The following PTPRK variants were observed in gnomAD, a reference collection of about 807,000 sequenced individuals.
PTPRK encodes the protein receptor-type tyrosine-protein phosphatase kappa.
A neutral mutation model predicts 178.0 loss-of-function variants in PTPRK; 75 were observed. The observed-to-expected ratio is 0.42, with a 90% CI of 0.35 to 0.51. The LOEUF is 0.51. Ranked by LOEUF, PTPRK falls within the 20% of genes least tolerant of loss-of-function variation. The pLI is 0.02. For synonymous variants in PTPRK, 637 were observed against 620.6 expected (o/e 1.03, Z -0.39); for missense variants, 1,441 against 1,797.8 (o/e 0.80, Z 3.59).
chr6:128,488,487 A>G (rs1011512349), intron 1 of PTPRK, among the ~76,000 whole-genome samples: 1 of 152,208 alleles, frequency 6.6e-6, no homozygotes, highest in African/African-American at 2.4e-5. Flanking sequence ...GGATGCTGTT[A>G]TCAGAATGGA....
intron 22 of PTPRK, 25 bp downstream of exon 22, chr6:127,985,696 C>T: frequency 6.3e-7 from 1 of 1,592,868 alleles, no homozygotes; most frequent in Non-Finnish European, 8.6e-7. Context: ...TGCATACAGT[C>T]AATACCATTT....
intron 3 of PTPRK, among the ~76,000 whole-genome samples, chr6:128,245,399 T>A (rs929915466): frequency 6.6e-6 from 1 of 152,350 alleles, no homozygotes; most frequent in East Asian, 1.9e-4. Context: ...AGACATTATA[T>A]TGACAAGATG....
chr6:128,248,240 T>C (rs1469973605), intron 3 of PTPRK, among the ~76,000 whole-genome samples: 1 of 152,192 alleles, frequency 6.6e-6, no homozygotes, highest in African/African-American at 2.4e-5. Context: ...TATCACAAAG[T>C]AGACATTCAA....
intron 25 of PTPRK, among the ~76,000 whole-genome samples, chr6:127,978,476 G>A (rs1774873289): frequency 6.6e-6 from 1 of 152,094 alleles, no homozygotes; most frequent in South Asian, 2.1e-4. Context: ...GGCCATAATT[G>A]CAGGGATCCT....
chr6:128,104,667 C>G (rs193046513), intron 7 of PTPRK, among the ~76,000 whole-genome samples: 7 of 152,286 alleles, frequency 4.6e-5, no homozygotes, highest in Admixed American at 3.9e-4. Flanking sequence ...GTGACCTACA[C>G]ATTTTTACTG....
chr6:128,237,170 G>C (rs750664877), intron 5 of PTPRK, among the ~76,000 whole-genome samples: 2 of 152,044 alleles, frequency 1.3e-5, no homozygotes, highest in Non-Finnish European at 2.9e-5. Flanking sequence ...TAGAAAATTG[G>C]CTGTTTTTCT....
chr6:128,468,300 T>C (rs964423510), intron 1 of PTPRK, among the ~76,000 whole-genome samples: 9 of 152,192 alleles, frequency 5.9e-5, no homozygotes, highest in Non-Finnish European at 7.3e-5. Flanking sequence ...TTACTAAACA[T>C]GTATGCATAT....
At chr6:128,385,741 T>C (rs953181979) in intron 2 of PTPRK, among the ~76,000 whole-genome samples, 2 of 152,328 alleles carry the variant, frequency 1.3e-5, no homozygotes, top group African/African-American at 2.4e-5. Context: ...GCTCCACAGA[T>C]TAAGTCTTCA....
intron 11 of PTPRK, among the ~76,000 whole-genome samples, chr6:128,069,461 C>T (rs374422015): frequency 6.6e-6 from 1 of 152,084 alleles, no homozygotes; most frequent in Non-Finnish European, 1.5e-5. Flanking sequence ...AAAATACATA[C>T]GCATAGCCCT....
chr6:128,189,873 A>C (rs543928900), intron 6 of PTPRK, among the ~76,000 whole-genome samples: 1 of 152,304 alleles, frequency 6.6e-6, no homozygotes, highest in Admixed American at 6.5e-5. Context: ...GCTAAGAGGA[A>C]GAAGAAAGAC....
At chr6:128,003,125 T>C in intron 15 of PTPRK, 1 of 1,440,748 alleles carries the variant, frequency 6.9e-7, no homozygotes, top group South Asian at 1.2e-5. Context: ...GTAAATAATC[T>C]CTATGTGGGC....
intron 13 of PTPRK, among the ~76,000 whole-genome samples, chr6:128,034,072 C>T (rs1193258486): frequency 6.6e-6 from 1 of 152,196 alleles, no homozygotes; most frequent in African/African-American, 2.4e-5. Flanking sequence ...CAGACTGGTC[C>T]TCCAGTACAA....
At chr6:128,200,731 G>T (rs1416155935) in intron 6 of PTPRK, among the ~76,000 whole-genome samples, 3 of 149,942 alleles carry the variant, frequency 2.0e-5, no homozygotes, top group Non-Finnish European at 4.4e-5. Flanking sequence ...ATAAATAAAA[G>T]TTTTCTAATG....
chr6:128,123,652 T>C (rs1792842551), intron 7 of PTPRK, among the ~76,000 whole-genome samples: 1 of 152,212 alleles, frequency 6.6e-6, no homozygotes, highest in Admixed American at 6.5e-5. Flanking sequence ...TAGATTTACT[T>C]AGTTTTTACT....
At chr6:128,146,067 T>C (rs765265000) in intron 7 of PTPRK, among the ~76,000 whole-genome samples, 2 of 152,106 alleles carry the variant, frequency 1.3e-5, no homozygotes, top group African/African-American at 2.4e-5. Flanking sequence ...CTAAGTGGGG[T>C]TGAAGGGTCT....
At chr6:128,280,949 C>G (rs1034275492) in intron 3 of PTPRK, among the ~76,000 whole-genome samples, 3 of 151,918 alleles carry the variant, frequency 2.0e-5, no homozygotes, top group Non-Finnish European at 2.9e-5. Context: ...AAAATAACTT[C>G]CCAGTTAATC....
In PTPRK at chr6:128,321,956, G is replaced by C. The variant is rs187230249; in HGVS notation, c.495+83C>G. ...AGAGGGCAATCTCTCATTACCATGA[G>C]ATGCATATTTACATCTATGTATTAC... On this transcript the variant is annotated intron_variant, in intron 3 of 29. Transcript: ENST00000368226. The C allele has an allele frequency of 1.9e-6, 3 of 1,568,270 alleles. No homozygotes were observed. The Admixed American group carries it at 5.0e-5, about 26-fold the overall frequency.
intron 3 of PTPRK, among the ~76,000 whole-genome samples, chr6:128,261,105 T>C (rs1192698361): frequency 6.6e-6 from 1 of 152,172 alleles, no homozygotes; most frequent in Admixed American, 6.6e-5. Context: ...CATCCAAATT[T>C]AAATTCCATG....
At chr6:128,377,928 TTC>T (rs1309135863) in intron 2 of PTPRK, among the ~76,000 whole-genome samples, 2 of 152,112 alleles carry the variant, frequency 1.3e-5, no homozygotes, top group African/African-American at 2.4e-5. Context: ...TTAGAATTCT[TTC>T]TTTCTTACTG....
Sources: allele counts gnomAD v4.1 joint callset (sites outside exome capture counted in the v4.1 genomes callset), GRCh38; gene constraint gnomAD v4.1.1; transcripts MANE v1.5; gene names NCBI Gene and HGNC (gene_info 2026-07-23, HGNC 2026-07-21).